The following ARB2A variants were observed in gnomAD, a reference collection of about 807,000 sequenced individuals.
The protein encoded by ARB2A is ARB2 cotranscriptional regulator A, also known as cotranscriptional regulator ARB2A.
chr5:93,884,991 G>C, the ARB2A span, among the ~76,000 whole-genome samples: 1 of 151,264 alleles, frequency 6.6e-6, no homozygotes, highest in African/African-American at 2.4e-5. Flanking sequence ...CAAGATTTTT[G>C]CCATGTCAAC....
chr5:93,727,932 T>C, the ARB2A span, among the ~76,000 whole-genome samples: 1 of 152,112 alleles, frequency 6.6e-6, no homozygotes, highest in South Asian at 2.1e-4. Context: ...AAAATGAATC[T>C]TTTCAGAATT....
chr5:93,840,858 A>T, the ARB2A span, among the ~76,000 whole-genome samples: 1 of 152,160 alleles, frequency 6.6e-6, no homozygotes, highest in South Asian at 2.1e-4. Flanking sequence ...TGCTATACTA[A>T]CTATCCCTTT....
chr5:93,741,516 A>G, the ARB2A span: 1 of 1,608,464 alleles, frequency 6.2e-7, no homozygotes, highest in African/African-American at 1.3e-5. Flanking sequence ...CGCCCCCACC[A>G]CTGCCTGGAA....
At chr5:94,045,841 A>G in the ARB2A span, among the ~76,000 whole-genome samples, 1 of 152,160 alleles carries the variant, frequency 6.6e-6, no homozygotes, top group Non-Finnish European at 1.5e-5. Context: ...TTTAAACTCT[A>G]CTTATTTGAG....
the ARB2A span, among the ~76,000 whole-genome samples, chr5:94,040,618 T>C: frequency 6.6e-6 from 1 of 151,864 alleles, no homozygotes; most frequent in African/African-American, 2.4e-5. Flanking sequence ...GGTTTTGTCC[T>C]TGCAATAGTT....
the ARB2A span, among the ~76,000 whole-genome samples, chr5:93,638,806 G>C: frequency 6.6e-6 from 1 of 152,026 alleles, no homozygotes; most frequent in Non-Finnish European, 1.5e-5. Context: ...TCCAGCCTGG[G>C]CAATAAGAGT....
At chr5:94,064,991 TAA>T in the ARB2A span, among the ~76,000 whole-genome samples, 1 of 150,912 alleles carries the variant, frequency 6.6e-6, no homozygotes. Context: ...CAATAAACAA[TAA>T]GAGAAAAAGA....
chr5:94,092,456 T>C, the ARB2A span, among the ~76,000 whole-genome samples: 2 of 152,214 alleles, frequency 1.3e-5, no homozygotes, highest in Non-Finnish European at 2.9e-5. Flanking sequence ...CATGACTATC[T>C]AGGACTAACT....
the ARB2A span, among the ~76,000 whole-genome samples, chr5:93,822,226 A>G: frequency 5.9e-5 from 9 of 152,142 alleles, no homozygotes; most frequent in Admixed American, 3.9e-4. Context: ...CCCTGACCCT[A>G]ATAGCCTCAA....
chr5:93,977,300 C>T, the ARB2A span, among the ~76,000 whole-genome samples: 3 of 151,356 alleles, frequency 2.0e-5, no homozygotes, highest in African/African-American at 2.4e-5. Flanking sequence ...CAAGCCAAAC[C>T]TAAGCAAAAA....
the ARB2A span, among the ~76,000 whole-genome samples, chr5:94,020,648 A>T: frequency 6.6e-6 from 1 of 152,194 alleles, no homozygotes; most frequent in Non-Finnish European, 1.5e-5. Flanking sequence ...GAGAGGGTAC[A>T]TATTGTAGAT....
the ARB2A span, among the ~76,000 whole-genome samples, chr5:93,630,181 TAC>T: frequency 3.9e-4 from 60 of 152,240 alleles, 1 homozygote; most frequent in East Asian, 8.9e-3. Context: ...AAATGAAATA[TAC>T]AGTTACTAAT....
the ARB2A span, among the ~76,000 whole-genome samples, chr5:94,071,121 C>G: frequency 6.6e-6 from 1 of 151,974 alleles, no homozygotes; most frequent in Non-Finnish European, 1.5e-5. Context: ...TCATAATCAC[C>G]CAACCCTGGA....
chr5:93,885,176 C>G, the ARB2A span, among the ~76,000 whole-genome samples: 103 of 151,520 alleles, frequency 6.8e-4, no homozygotes, highest in African/African-American at 2.5e-3. Flanking sequence ...AATCAGTACA[C>G]AACAAAATTA....
chr5:93,903,362 C>T, the ARB2A span, among the ~76,000 whole-genome samples: 1 of 151,976 alleles, frequency 6.6e-6, no homozygotes, highest in South Asian at 2.1e-4. Context: ...TATTTTCAGA[C>T]ATCAGCAATA....
chr5:93,853,532 T>C, the ARB2A span, among the ~76,000 whole-genome samples: 4 of 152,174 alleles, frequency 2.6e-5, no homozygotes, highest in Non-Finnish European at 4.4e-5. Flanking sequence ...CCCTGTCTTG[T>C]GCCAGTTTTC....
chr5:93,933,573 G>C, the ARB2A span, among the ~76,000 whole-genome samples: 1 of 152,066 alleles, frequency 6.6e-6, no homozygotes, highest in African/African-American at 2.4e-5. Flanking sequence ...AACACCGCAT[G>C]TTCTCACTCA....
chr5:94,059,355 G>A, the ARB2A span, among the ~76,000 whole-genome samples: 1 of 152,016 alleles, frequency 6.6e-6, no homozygotes, highest in Non-Finnish European at 1.5e-5. Flanking sequence ...AGGCGTGGTT[G>A]CTCATACCTG....
At chr5:93,804,344 C>T in the ARB2A span, among the ~76,000 whole-genome samples, 3 of 151,932 alleles carry the variant, frequency 2.0e-5, no homozygotes, top group Non-Finnish European at 4.4e-5. Flanking sequence ...ACTGTTCATG[C>T]ATATCATATC....
Sources: allele counts gnomAD v4.1 joint callset (sites outside exome capture counted in the v4.1 genomes callset), GRCh38; gene constraint gnomAD v4.1.1; transcripts MANE v1.5; gene names NCBI Gene and HGNC (gene_info 2026-07-23, HGNC 2026-07-21).